The following CPPED1 variants were observed in gnomAD, a reference collection of about 807,000 sequenced individuals.
The protein encoded by CPPED1 is serine/threonine-protein phosphatase CPPED1.
In CPPED1, 28 loss-of-function variants were observed where a neutral mutation model predicts 28.0. The observed-to-expected ratio is 1.00, with a 90% CI of 0.74 to 1.37. The LOEUF (loss-of-function observed/expected upper bound fraction) is 1.37, where lower values mean the gene tolerates loss of function less well. Among genes scored for constraint, CPPED1 ranks in the 40% most tolerant of loss-of-function variants. CPPED1 has a pLI of 0.00. For synonymous variants in CPPED1, 198 were observed against 180.2 expected (o/e 1.10, Z -0.79); for missense variants, 504 against 416.5 (o/e 1.21, Z -1.83).
At chr16:12,669,936 A>G (rs1313922087) in intron 3 of CPPED1, among the ~76,000 whole-genome samples, 1 of 152,226 alleles carries the variant, frequency 6.6e-6, no homozygotes, top group Non-Finnish European at 1.5e-5. Context: ...CAGGATTCCC[A>G]ATGGCCAAAG....
chr16:12,729,049 T>A (rs1771162710), intron 2 of CPPED1, among the ~76,000 whole-genome samples: 1 of 152,050 alleles, frequency 6.6e-6, no homozygotes, highest in African/African-American at 2.4e-5. Context: ...TGTCTGTGAG[T>A]CCTCCTTGCA....
At chr16:12,696,080 T>C (rs2079988461) in intron 3 of CPPED1, among the ~76,000 whole-genome samples, 1 of 152,200 alleles carries the variant, frequency 6.6e-6, no homozygotes. Flanking sequence ...ACTCTCAGAC[T>C]GGCTGTAATC....
At chr16:12,714,998 T>G (rs571093363) in intron 2 of CPPED1, among the ~76,000 whole-genome samples, 5 of 152,158 alleles carry the variant, frequency 3.3e-5, no homozygotes, top group African/African-American at 9.6e-5. Flanking sequence ...GGGTCCAAAT[T>G]CACTCTTTTG....
rs1279040769 is a variant in CPPED1, at chr16:12,682,237, G to T, written c.716-17122C>A. Among the ~76,000 whole-genome samples the T allele has an allele frequency of 6.6e-6, 1 of 152,046 alleles. No individual in the cohort carries two copies. Among genetic ancestry groups the T allele is most frequent in the Non-Finnish European group, 1.5e-5 (1 of 68,004 alleles). On this transcript the variant is annotated intron_variant, in intron 3 of 3. Coordinates refer to ENST00000381774, the MANE Select transcript of CPPED1 (RefSeq NM_018340.3). This position sits in a 1 kb window ranked among gnomAD's most constrained non-coding sequence, Gnocchi z 6.1. ...TTTAGTAGAGACAGGATTTTACGAT[G>T]TTGGCCAGGCTGATCTCAAACTCCT...
chr16:12,764,815 G>C (rs538730754), intron 2 of CPPED1, among the ~76,000 whole-genome samples: 113 of 152,308 alleles, frequency 7.4e-4, no homozygotes, highest in Middle Eastern at 3.4e-3. Context: ...TGTCTAGCCT[G>C]TAAGTGTCCT....
At chr16:12,752,786 T>G (rs528835261) in intron 2 of CPPED1, among the ~76,000 whole-genome samples, 1 of 147,918 alleles carries the variant, frequency 6.8e-6, no homozygotes, top group Admixed American at 6.8e-5. Context: ...TAGTAGAAAT[T>G]ATCTATTAAA....
intron 2 of CPPED1, among the ~76,000 whole-genome samples, chr16:12,713,137 TA>T (rs2080088502): frequency 2.6e-5 from 4 of 152,088 alleles, no homozygotes; most frequent in Non-Finnish European, 5.9e-5. Context: ...AAATTCAATT[TA>T]AAAAAATGTA....
rs1434966185 is a variant in CPPED1 at position 12,704,979 on chromosome 16, T to G, written c.360A>C (p.Pro120=). 6.2e-6 allele frequency: 10 copies of G among 1,614,052 alleles called. No individual in the cohort carries two copies. The East Asian group carries it at 2.0e-4, about 32-fold the overall frequency. Residue 120 remains proline, a synonymous_variant, in exon 3 of 4, where the codon CCA becomes CCC. Transcript: ENST00000381774. ...RVLRAVDRAI[P]LVLVSGNHDI... is the part of the protein sequence containing the mutation. The stretch of plus-strand genomic sequence containing the variant: ...CATGGTTGCCGCTGACAAGGACCAG[T>G]GGGATGGCCCTGTCCACTGCCCTAA...
At chr16:12,784,699 G>A (rs1187511305) in intron 1 of CPPED1, among the ~76,000 whole-genome samples, 2 of 152,316 alleles carry the variant, frequency 1.3e-5, no homozygotes, top group South Asian at 2.1e-4. Context: ...ATTTAAGCTG[G>A]ATGAATTAAT....
rs2079833693 is a variant in CPPED1 at position 12,667,838 on chromosome 16, T to C, written c.716-2723A>G. Reference sequence around the variant, plus strand: ...TAATAGTGAGAAGAATTTGAAGAAATAACAGAAATTTTCCAGAAAGAAGGA... The same window carrying C: ...TAATAGTGAGAAGAATTTGAAGAAACAACAGAAATTTTCCAGAAAGAAGGA... On this transcript the variant is annotated intron_variant, in intron 3 of 3. Coordinates refer to ENST00000381774, the MANE Select transcript of CPPED1 (RefSeq NM_018340.3). Among the ~76,000 whole-genome samples the C allele has an allele frequency of 2.0e-5, 3 of 151,984 alleles. No individual in the cohort carries two copies. The South Asian group carries it at 6.2e-4, about 32-fold the overall frequency.
rs541556724 is a variant in CPPED1, at chr16:12,692,560, C to G, written c.715+12064G>C. Among the ~76,000 whole-genome samples the G allele has an allele frequency of 2.6e-5, 4 of 152,312 alleles. No homozygotes were observed. The South Asian group carries it at 6.2e-4, about 24-fold the overall frequency. On this transcript the variant is annotated intron_variant, in intron 3 of 3. Coordinates refer to ENST00000381774, the MANE Select transcript of CPPED1 (RefSeq NM_018340.3). ...CGCACCTGCTTCATAGCTTTGTGAT[C>G]TGAATGGATGACTCTGCCTCTAGGA...
In CPPED1 at chr16:12,704,606, G is replaced by A. The variant is rs377450216; in HGVS notation, c.715+18C>T. 23 of 1,590,840 alleles carry A rather than the reference G, an allele frequency of 1.4e-5. No homozygotes were observed. The highest frequency in any genetic ancestry group is 6.7e-5 in the African/African-American group (5 of 74,566). On this transcript the variant is annotated intron_variant, in intron 3 of 3. Coordinates refer to ENST00000381774, the MANE Select transcript of CPPED1 (RefSeq NM_018340.3). ...GACTTGTCCTTCCTCCCTGAAACCC[G>A]TGGCCCGGGGCCTCTACCTGCGTGG...
At chr16:12,741,838 G>A (rs143134399) in intron 2 of CPPED1, among the ~76,000 whole-genome samples, 6 of 152,278 alleles carry the variant, frequency 3.9e-5, no homozygotes, top group African/African-American at 1.4e-4. Context: ...ATCACTTGAG[G>A]TCAGGAGTTC....
intron 1 of CPPED1, among the ~76,000 whole-genome samples, chr16:12,792,910 C>T (rs1481641218): frequency 6.6e-6 from 1 of 152,122 alleles, no homozygotes. Flanking sequence ...TCTTTATTAG[C>T]AGCATGAGAA....
intron 3 of CPPED1, 151 bp downstream of exon 3, chr16:12,704,473 T>G (rs566669913): frequency 2.7e-6 from 2 of 736,230 alleles, no homozygotes; most frequent in Non-Finnish European, 4.4e-6. Context: ...TAGCCAGACA[T>G]GCAGTCTGCA....
chr16:12,741,148 T>C lies in CPPED1; in HGVS notation c.290-36099A>G, dbSNP rs143544595. Among the ~76,000 whole-genome samples the C allele has an allele frequency of 1.4e-3, 209 of 152,098 alleles. 1 individual carries two copies. Among genetic ancestry groups the C allele is most frequent in the African/African-American group, 4.7e-3 (197 of 41,486 alleles). On this transcript the variant is annotated intron_variant, in intron 2 of 3. Coordinates refer to ENST00000381774, the MANE Select transcript of CPPED1 (RefSeq NM_018340.3). ...CATAGTAACTCCAGGCCAACTAGGATAGTACTTAAAATATAGTGGGCAGGA... is the reference window on the plus strand; with the variant it reads ...CATAGTAACTCCAGGCCAACTAGGACAGTACTTAAAATATAGTGGGCAGGA...
rs780178007 is a variant in CPPED1, at chr16:12,704,719, G to T, written c.620C>A (p.Pro207Gln). The part of the protein sequence containing the change: ...CQHAIVFQHI[P>Q]LFLESIDEDD... ...CTCGTCGATGCTCTCCAGGAACAGC[G>T]GGATGTGCTGGAAGACGATGGCATG... Residue 207 changes from proline to glutamine, a missense_variant, in exon 3 of 4, where the codon CCG (proline) becomes CAG (glutamine). Coordinates refer to ENST00000381774, the MANE Select transcript of CPPED1 (RefSeq NM_018340.3). The T allele has an allele frequency of 1.2e-6, 2 of 1,614,190 alleles. No individual in the cohort carries two copies. Among genetic ancestry groups the T allele is most frequent in the Middle Eastern group, 1.7e-4 (1 of 6,060 alleles).
rs2079790097 is a variant in CPPED1 at position 12,660,828 on chromosome 16, T to A, written c.*4058A>T. ...TGGGAATAAGTATTAAGAGTTCAAG[T>A]AAGGCTGGGTACAGTGGCCAACGCC... is the stretch of plus-strand genomic sequence containing the variant. On this transcript the variant is annotated 3_prime_UTR_variant, in exon 4 of 4. Transcript: ENST00000381774. 6.6e-6 allele frequency: 1 copy of A among 152,224 alleles called. No homozygotes were observed. The highest frequency in any genetic ancestry group is 2.4e-5 in the African/African-American group (1 of 41,464). The allele number at this position is 152,224 out of a possible 1,614,324, so 9.4% of individuals were successfully genotyped here. A position where few individuals can be genotyped will look rare whatever the true frequency, so the allele number is the denominator to read the frequency against.
chr16:12,768,200 A>G (rs770946071), intron 2 of CPPED1, among the ~76,000 whole-genome samples: 1 of 152,112 alleles, frequency 6.6e-6, no homozygotes, highest in Non-Finnish European at 1.5e-5. Flanking sequence ...GTCTTCCTAT[A>G]TGAACTTTTA....
Sources: allele counts gnomAD v4.1 joint callset (sites outside exome capture counted in the v4.1 genomes callset), GRCh38; gene constraint gnomAD v4.1.1; non-coding constraint Gnocchi (gnomAD v3.1); transcripts MANE v1.5; gene names NCBI Gene and HGNC (gene_info 2026-07-23, HGNC 2026-07-21).